The following VEGFC variants were observed in gnomAD, a reference collection of about 807,000 sequenced individuals.
VEGFC encodes the protein vascular endothelial growth factor C.
Under a neutral mutation model 46.1 loss-of-function variants are expected in VEGFC, and 12 were observed. The ratio of observed to expected loss-of-function variants is 0.26; its 90% CI spans 0.17 to 0.42. VEGFC has a LOEUF of 0.42. Ranked by LOEUF, VEGFC falls within the 10% of genes least tolerant of loss-of-function variation. The probability of loss-of-function intolerance (pLI) is 1.00; values close to 1 mark genes in which losing one functional copy is unlikely to be tolerated. For synonymous variants in VEGFC, 232 were observed against 195.5 expected (o/e 1.19, Z -1.56); for missense variants, 488 against 529.4 (o/e 0.92, Z 0.77).
At chr4:176,770,297 A>AT (rs1415549398) in intron 1 of VEGFC, among the ~76,000 whole-genome samples, 1 of 152,192 alleles carries the variant, frequency 6.6e-6, no homozygotes, top group Non-Finnish European at 1.5e-5. Flanking sequence ...CAAAAACTTT[A>AT]TATTATTAAA....
chr4:176,786,004 G>A (rs1735996576), intron 1 of VEGFC, among the ~76,000 whole-genome samples: 1 of 151,948 alleles, frequency 6.6e-6, no homozygotes, highest in East Asian at 1.9e-4. Context: ...CACTATCATC[G>A]CCAGCAATCA....
intron 6 of VEGFC, among the ~76,000 whole-genome samples, chr4:176,684,727 T>C (rs1374528446): frequency 2.0e-5 from 3 of 152,320 alleles, no homozygotes; most frequent in Admixed American, 6.5e-5. Flanking sequence ...CTCCAGTGAA[T>C]TGAGGCTTCA....
chr4:176,692,089 G>C (rs950613093), intron 4 of VEGFC, among the ~76,000 whole-genome samples: 4 of 152,044 alleles, frequency 2.6e-5, no homozygotes, highest in Admixed American at 2.6e-4. Flanking sequence ...GCGCTTTTCC[G>C]ACGGGCTTAA....
At chr4:176,708,393 CA>C (rs1262296965) in intron 4 of VEGFC, among the ~76,000 whole-genome samples, 1 of 151,716 alleles carries the variant, frequency 6.6e-6, no homozygotes, top group Admixed American at 6.6e-5. Context: ...CTACATTGAA[CA>C]AAAAAGTAAA....
At chr4:176,705,332 A>G (rs1035948611) in intron 4 of VEGFC, among the ~76,000 whole-genome samples, 1 of 152,156 alleles carries the variant, frequency 6.6e-6, no homozygotes, top group Non-Finnish European at 1.5e-5. Context: ...TTTGAAGAAA[A>G]TATGAGAGGA....
At chr4:176,785,700 T>C (rs1162704195) in intron 1 of VEGFC, among the ~76,000 whole-genome samples, 1 of 152,200 alleles carries the variant, frequency 6.6e-6, no homozygotes. Flanking sequence ...ATTCTAATCT[T>C]GTACACTTCT....
intron 3 of VEGFC, among the ~76,000 whole-genome samples, chr4:176,722,386 T>C (rs1223040292): frequency 1.3e-5 from 2 of 152,198 alleles, no homozygotes; most frequent in African/African-American, 4.8e-5. Flanking sequence ...ATCTGATGTT[T>C]AAGTACTAAG....
At position 176,729,697 on chromosome 4, in the gene VEGFC, A is replaced by G; in HGVS notation, c.197T>C (p.Val66Ala). Residue 66 changes from valine (V) to alanine (A), a missense_variant, in exon 2 of 7, where the codon GTA (valine) becomes GCA (alanine). Val to Ala is a moderately conservative substitution (Grantham distance 64). Coordinates refer to ENST00000618562, the MANE Select transcript of VEGFC (RefSeq NM_005429.5). ...GTAGAGTACAGTCATGAGTTCATCTACACTGGACACAGACCGTAACTGCTC... is the reference window on the plus strand; with the variant it reads ...GTAGAGTACAGTCATGAGTTCATCTGCACTGGACACAGACCGTAACTGCTC... ...LEEQLRSVSSVDELMTVLYPE... is the reference protein window; with the variant it reads ...LEEQLRSVSSADELMTVLYPE... 1 of 1,612,694 alleles carries G rather than the reference A, an allele frequency of 6.2e-7. No individual in the cohort carries two copies. Among genetic ancestry groups the G allele is most frequent in the Non-Finnish European group, 8.5e-7 (1 of 1,179,404 alleles).
At chr4:176,704,473 C>T (rs1418431020) in intron 4 of VEGFC, among the ~76,000 whole-genome samples, 5 of 152,130 alleles carry the variant, frequency 3.3e-5, no homozygotes, top group Non-Finnish European at 7.4e-5. Flanking sequence ...ACAGTTTCAT[C>T]CTCAACTTCT....
chr4:176,696,210 A>G (rs150307356), intron 4 of VEGFC, among the ~76,000 whole-genome samples: 105,666 of 141,914 alleles, frequency 0.74, 39,693 homozygotes, highest in East Asian at 0.95. Flanking sequence ...GTTTGCAGAC[A>G]ACATGATTGT....
At chr4:176,716,915 T>C (rs1407168091) in intron 3 of VEGFC, among the ~76,000 whole-genome samples, 2 of 152,200 alleles carry the variant, frequency 1.3e-5, no homozygotes, top group Non-Finnish European at 2.9e-5. Flanking sequence ...GTGTATATAA[T>C]AGTATTTTCT....
At chr4:176,722,826 C>T (rs1297439711) in intron 3 of VEGFC, among the ~76,000 whole-genome samples, 1 of 152,034 alleles carries the variant, frequency 6.6e-6, no homozygotes, top group Non-Finnish European at 1.5e-5. Flanking sequence ...AAAGCCTAAA[C>T]CTCTCCAACA....
chr4:176,770,348 C>T (rs1442919617), intron 1 of VEGFC, among the ~76,000 whole-genome samples: 2 of 152,178 alleles, frequency 1.3e-5, no homozygotes, highest in Non-Finnish European at 2.9e-5. Flanking sequence ...TCTGGCTACT[C>T]ATCTTTTTAA....
intron 1 of VEGFC, among the ~76,000 whole-genome samples, chr4:176,773,337 G>T (rs1735753758): frequency 6.6e-6 from 1 of 152,162 alleles, no homozygotes; most frequent in South Asian, 2.1e-4. Context: ...AACGCCCACT[G>T]GGGCCTTTTA....
intron 1 of VEGFC, among the ~76,000 whole-genome samples, chr4:176,735,439 A>C (rs1192932600): frequency 1.3e-5 from 2 of 151,900 alleles, no homozygotes; most frequent in Non-Finnish European, 2.9e-5. Context: ...TGAACCGATA[A>C]GTTTCACTAT....
chr4:176,713,252 A>C (rs1734646560), intron 3 of VEGFC, among the ~76,000 whole-genome samples: 1 of 152,176 alleles, frequency 6.6e-6, no homozygotes, highest in Non-Finnish European at 1.5e-5. Flanking sequence ...CTTATCTAAA[A>C]AGATACCCGT....
intron 1 of VEGFC, among the ~76,000 whole-genome samples, chr4:176,785,066 C>T (rs146306972): frequency 2.8e-4 from 43 of 152,094 alleles, no homozygotes; most frequent in East Asian, 1.6e-3. Context: ...TTCTTCCAGG[C>T]GCTATCACAG....
intron 1 of VEGFC, among the ~76,000 whole-genome samples, chr4:176,731,336 T>TG (rs1473107431): frequency 7.2e-5 from 11 of 152,048 alleles, no homozygotes; most frequent in Admixed American, 5.3e-4. Context: ...TTTATAAAAG[T>TG]GATTATAAAA....
chr4:176,785,814 G>A (rs1735993172), intron 1 of VEGFC, among the ~76,000 whole-genome samples: 1 of 152,180 alleles, frequency 6.6e-6, no homozygotes, highest in East Asian at 1.9e-4. Flanking sequence ...ATTAAGCGGT[G>A]TATGCATGAA....
Sources: allele counts gnomAD v4.1 joint callset (sites outside exome capture counted in the v4.1 genomes callset), GRCh38; gene constraint gnomAD v4.1.1; transcripts MANE v1.5; gene names NCBI Gene and HGNC (gene_info 2026-07-23, HGNC 2026-07-21).